Variants in CA10 observed in about 807,000 individuals in gnomAD.
CA10 encodes the protein carbonic anhydrase 10 (inactive), also known as carbonic anhydrase-related protein 10.
CA10 carries 14 observed loss-of-function variants against 44.2 expected under a neutral mutation model. The observed-to-expected ratio is 0.32, with a 90% CI of 0.21 to 0.50. CA10 has a LOEUF of 0.50. Ranked by LOEUF, CA10 falls within the 20% of genes least tolerant of loss-of-function variation. The pLI is 0.99. For missense variants in CA10, 350 were observed against 409.7 expected, an observed-to-expected ratio of 0.85 and a Z score of 1.26; for synonymous variants, 159 against 141.6, an observed-to-expected ratio of 1.12 and a Z score of -0.87.
chr17:51,882,196 T>C (rs138616152), intron 3 of CA10, among the ~76,000 whole-genome samples: 2,778 of 152,212 alleles, frequency 0.018, 44 homozygotes, highest in South Asian at 0.064. Flanking sequence ...GTATTCGCTA[T>C]GTATATATGT....
chr17:51,803,733 A>T (rs1204191389), intron 3 of CA10, among the ~76,000 whole-genome samples: 1 of 152,236 alleles, frequency 6.6e-6, no homozygotes, highest in Non-Finnish European at 1.5e-5. Flanking sequence ...ATTTAGTCAG[A>T]CAATAATTAC....
chr17:51,740,438 A>G (rs1904410715), intron 4 of CA10, among the ~76,000 whole-genome samples: 1 of 152,204 alleles, frequency 6.6e-6, no homozygotes, highest in African/African-American at 2.4e-5. Context: ...GTTATGAATC[A>G]GAAGACCCGA....
intron 2 of CA10, among the ~76,000 whole-genome samples, chr17:51,994,711 C>T (rs921774559): frequency 6.6e-6 from 1 of 152,034 alleles, no homozygotes; most frequent in African/African-American, 2.4e-5. Context: ...AGTAAATACT[C>T]TTGTCAGCTT....
intron 2 of CA10, among the ~76,000 whole-genome samples, chr17:51,932,526 A>G (rs1982705563): frequency 6.6e-6 from 1 of 152,148 alleles, no homozygotes; most frequent in Non-Finnish European, 1.5e-5. Context: ...TTCAACATCA[A>G]AATAAGATGG....
intron 2 of CA10, among the ~76,000 whole-genome samples, chr17:51,977,320 A>AT (rs1984497681): frequency 6.6e-6 from 1 of 151,876 alleles, no homozygotes; most frequent in African/African-American, 2.4e-5. Flanking sequence ...CCAATAACAC[A>AT]TTTTTTTAAA....
rs74412058 is a variant in CA10, at chr17:51,818,970, C to T, written c.280-71152G>A. On this transcript the variant is annotated intron_variant, in intron 3 of 8. Coordinates refer to ENST00000451037, the MANE Select transcript of CA10 (RefSeq NM_020178.5). ...TGTTTTAGCTGCCCAACATAAGGCTCCCACATCAAAAGCCTCCTTTGTACA... is the reference window on the plus strand; with the variant it reads ...TGTTTTAGCTGCCCAACATAAGGCTTCCACATCAAAAGCCTCCTTTGTACA... 9.6e-3 allele frequency among the ~76,000 whole-genome samples: 1,462 copies of T among 152,224 alleles called. 12 individuals carry two copies. Among genetic ancestry groups the T allele is most frequent in the South Asian group, 0.02 (96 of 4,820 alleles).
intron 1 of CA10, among the ~76,000 whole-genome samples, chr17:52,090,597 A>G (rs1358571986): frequency 2.0e-5 from 3 of 152,190 alleles, no homozygotes; most frequent in Non-Finnish European, 4.4e-5. Context: ...GATAGATTTA[A>G]AAGTTAAATG....
chr17:51,909,856 C>CT (rs1469971146), intron 3 of CA10, among the ~76,000 whole-genome samples: 1 of 152,172 alleles, frequency 6.6e-6, no homozygotes, highest in Admixed American at 6.6e-5. Flanking sequence ...AACAGCCTGC[C>CT]TGCCATCCCA....
intron 3 of CA10, among the ~76,000 whole-genome samples, chr17:51,898,620 G>A (rs763011511): frequency 2.0e-5 from 3 of 152,098 alleles, no homozygotes; most frequent in Non-Finnish European, 4.4e-5. Context: ...AGTTTCAGTA[G>A]GAATGGTGCC....
chr17:51,916,043 T>C (rs1981982756), intron 3 of CA10, among the ~76,000 whole-genome samples: 1 of 152,066 alleles, frequency 6.6e-6, no homozygotes, highest in Non-Finnish European at 1.5e-5. Context: ...AAAGATCACA[T>C]ACTTGAAGAA....
chr17:51,732,654 C>T (rs994385756), intron 4 of CA10, among the ~76,000 whole-genome samples: 8 of 152,186 alleles, frequency 5.3e-5, no homozygotes, highest in African/African-American at 1.9e-4. Flanking sequence ...TTATCTACCT[C>T]ATCCCACATG....
Position 52,127,911 on chromosome 17 carries a change from C to T in CA10, c.61+29815G>A, listed in dbSNP as rs1013352857. Among the ~76,000 whole-genome samples the T allele has an allele frequency of 4.6e-5, 7 of 151,634 alleles. No homozygotes were observed. The East Asian group carries it at 1.2e-3, about 25-fold the overall frequency. On this transcript the variant is annotated intron_variant, in intron 1 of 8. Coordinates refer to ENST00000451037, the MANE Select transcript of CA10 (RefSeq NM_020178.5). ...GTTCTTTGGAATTAATAACAACTAC[C>T]GTTGATTAACTGACACACACTTTGG...
chr17:52,081,845 C>CTTGGTAATGAA (rs1987991284), intron 1 of CA10, among the ~76,000 whole-genome samples: 1 of 147,838 alleles, frequency 6.8e-6, no homozygotes, highest in Non-Finnish European at 1.5e-5. Context: ...ATGGATAAGA[C>CTTGGTAATGAA]TTGGTAATGA....
At chr17:52,042,115 G>C (rs887642784) in intron 2 of CA10, among the ~76,000 whole-genome samples, 4 of 152,034 alleles carry the variant, frequency 2.6e-5, no homozygotes, top group African/African-American at 9.7e-5. Context: ...ATACCCAGAA[G>C]TGAGACAGCA....
chr17:52,051,152 T>A (rs1987058902), intron 2 of CA10, among the ~76,000 whole-genome samples: 4 of 146,720 alleles, frequency 2.7e-5, no homozygotes, highest in East Asian at 2.0e-4. Flanking sequence ...GAGGGAGGGA[T>A]GAAGAGAGAG....
At chr17:52,089,691 T>C (rs1598208856) in intron 1 of CA10, among the ~76,000 whole-genome samples, 1 of 151,950 alleles carries the variant, frequency 6.6e-6, no homozygotes, top group African/African-American at 2.4e-5. Context: ...TAGTAAACAA[T>C]AGAACAGTGA....
chr17:52,112,115 G>T (rs1988799660), intron 1 of CA10, among the ~76,000 whole-genome samples: 1 of 151,768 alleles, frequency 6.6e-6, no homozygotes, highest in African/African-American at 2.4e-5. Context: ...TAAAACAAGT[G>T]GACCTACTGC....
chr17:51,989,187 G>T (rs1368054881), intron 2 of CA10, among the ~76,000 whole-genome samples: 3 of 150,186 alleles, frequency 2.0e-5, no homozygotes, highest in Non-Finnish European at 4.4e-5. Context: ...AAGTTCAGCG[G>T]TACAAGTACA....
intron 4 of CA10, among the ~76,000 whole-genome samples, chr17:51,702,136 A>C (rs796914573): frequency 1.3e-5 from 2 of 152,052 alleles, no homozygotes; most frequent in Non-Finnish European, 2.9e-5. Context: ...ACTTTACAAT[A>C]TATTTCTTGA....
Sources: allele counts gnomAD v4.1 joint callset (sites outside exome capture counted in the v4.1 genomes callset), GRCh38; gene constraint gnomAD v4.1.1; transcripts MANE v1.5; gene names NCBI Gene and HGNC (gene_info 2026-07-23, HGNC 2026-07-21).